The following SLC26A4 variants were observed in gnomAD, a reference collection of about 807,000 sequenced individuals.
The protein encoded by SLC26A4 is pendrin.
Under a neutral mutation model 90.4 loss-of-function variants are expected in SLC26A4, and 93 were observed. The observed-to-expected ratio is 1.03, with a 90% CI of 0.87 to 1.22. SLC26A4 has a LOEUF of 1.22. Ranked by LOEUF, SLC26A4 falls within the 50% of genes most tolerant of loss-of-function variation. SLC26A4 has a pLI of 0.00. For synonymous variants in SLC26A4, 393 were observed against 354.6 expected, an observed-to-expected ratio of 1.11 and a Z score of -1.22; for missense variants, 1,127 against 946.2, an observed-to-expected ratio of 1.19 and a Z score of -2.51.
At chr7:107,680,164 AATCTTATCTTATTATATAATATAATCTT>A (rs1791174945) in intron 6 of SLC26A4, among the ~76,000 whole-genome samples, 8 of 119,796 alleles carry the variant, frequency 6.7e-5, no homozygotes, top group South Asian at 2.4e-4. Flanking sequence ...TATATAATAT[AATCTTATCTTATTATATAATATAATCTT>A]ATCTTATTAT....
intron 8 of SLC26A4, among the ~76,000 whole-genome samples, chr7:107,686,052 C>T (rs1353791010): frequency 6.7e-6 from 1 of 150,196 alleles, no homozygotes; most frequent in African/African-American, 2.5e-5. Flanking sequence ...AACAGAGTCT[C>T]ACTCTGTCAC....
chr7:107,674,995 T>A lies in SLC26A4; in HGVS notation c.651T>A (p.Asp217Glu). The A allele has an allele frequency of 6.2e-7, 1 of 1,614,042 alleles. No individual in the cohort carries two copies. The highest frequency in any genetic ancestry group is 8.5e-7 in the Non-Finnish European group (1 of 1,179,950). Reference sequence around the variant, plus strand: ...GATTCATAGTGAGGTACTTGGCAGATCCTTTGGTTGGTGGCTTCACAACAG... The same window carrying A: ...GATTCATAGTGAGGTACTTGGCAGAACCTTTGGTTGGTGGCTTCACAACAG... Reference protein sequence around the residue: ...QIGFIVRYLADPLVGGFTTAA... With the variant: ...QIGFIVRYLAEPLVGGFTTAA... The change falls in exon 6 of 21, where the codon GAT becomes GAA. Residue 217 changes from aspartate to glutamate, a missense_variant. Asp to Glu is a conservative substitution (Grantham distance 45, BLOSUM62 2). Coordinates refer to ENST00000644269, the MANE Select transcript of SLC26A4 (RefSeq NM_000441.2).
chr7:107,670,446 A>C (rs1056755887), intron 3 of SLC26A4, among the ~76,000 whole-genome samples: 2 of 151,750 alleles, frequency 1.3e-5, no homozygotes, highest in Non-Finnish European at 2.9e-5. Context: ...CACAGGCTGG[A>C]GTGGGAGTGT....
chr7:107,689,998 T>A (rs999318483), intron 9 of SLC26A4, 126 bp from the exon 10 acceptor site: 14 of 748,328 alleles, frequency 1.9e-5, no homozygotes, highest in Non-Finnish European at 3.2e-5. Context: ...ACGGTAAAAA[T>A]TAAATTGGAC....
At position 107,700,086 on chromosome 7, in the gene SLC26A4, G is replaced by A. The variant is rs747353787; in HGVS notation, c.1618G>A (p.Glu540Lys). The A allele has an allele frequency of 1.8e-5, 27 of 1,525,236 alleles. No individual in the cohort carries two copies. Among genetic ancestry groups the A allele is most frequent in the Non-Finnish European group, 2.2e-5 (24 of 1,099,204 alleles). The allele number at this position is 1,525,236 out of a possible 1,614,324, so 94.5% of individuals were successfully genotyped here. ...YKSTKNYKNI[E>K]EPQGVKILRF... is the part of the protein sequence containing the mutation. The stretch of plus-strand genomic sequence containing the variant: ...AGACAATTTCTTTTAATGCCAGATT[G>A]AAGAACCTCAAGGAGTGAAGATTCT... The change falls in exon 15 of 21, where the codon GAA becomes AAA. Residue 540 changes from glutamate (E) to lysine (K), a missense_variant. Glu to Lys is a moderately conservative substitution (Grantham distance 56, BLOSUM62 1). Transcript: ENST00000644269.
chr7:107,691,728 G>T, intron 10 of SLC26A4: 2 of 848,202 alleles, frequency 2.4e-6, no homozygotes, highest in Non-Finnish European at 2.8e-6. Flanking sequence ...CAGTTTTTTG[G>T]CTGCTTTTCA....
At chr7:107,709,170 G>T (rs1354576219) in intron 18 of SLC26A4, among the ~76,000 whole-genome samples, 2 of 152,228 alleles carry the variant, frequency 1.3e-5, no homozygotes, top group African/African-American at 4.8e-5. Context: ...GTACCAGAAG[G>T]TTATGCCTCC....
Position 107,674,243 on chromosome 7 carries a change from C to A in SLC26A4, c.495C>A (p.Ser165Arg). Residue 165 changes from serine to arginine, a missense_variant, in exon 5 of 21, where the codon AGC becomes AGA. By Grantham distance (110) the Ser-to-Arg change is moderately radical (BLOSUM62 -1). Transcript: ENST00000644269. Reference protein sequence around the residue: ...MAPDEHFLVSSSNGTVLNTTM... With the variant: ...MAPDEHFLVSRSNGTVLNTTM... Reference sequence around the variant, plus strand: ...CCGACGAACACTTTCTCGTATCCAGCAGCAATGGAACTGTATTAAATACTA... The same window carrying A: ...CCGACGAACACTTTCTCGTATCCAGAAGCAATGGAACTGTATTAAATACTA... 1 of 1,613,992 alleles carries A rather than the reference C, an allele frequency of 6.2e-7. No individual in the cohort carries two copies. Among genetic ancestry groups the A allele is most frequent in the Admixed American group, 1.7e-5 (1 of 60,018 alleles).
chr7:107,702,173 A>G lies in SLC26A4; in HGVS notation c.2034+116A>G, dbSNP rs1791913015. On this transcript the variant is annotated intron_variant, in intron 17 of 20. Coordinates refer to ENST00000644269, the MANE Select transcript of SLC26A4 (RefSeq NM_000441.2). ...TGGGCTTTGTAATTTTTCTAGGTGA[A>G]TGCTTTTGTAAAAAAGTGTAATATT... is the stretch of plus-strand genomic sequence containing the variant. 14 of 742,216 alleles carry G rather than the reference A, an allele frequency of 1.9e-5. No homozygotes were observed. The East Asian group carries it at 3.7e-4, about 20-fold the overall frequency. 46.0% of individuals were successfully genotyped at this position (742,216 alleles called of 1,614,324 possible).
At chr7:107,684,810 T>TAAAA (rs1305538051) in intron 8 of SLC26A4, among the ~76,000 whole-genome samples, 64 of 152,344 alleles carry the variant, frequency 4.2e-4, no homozygotes, top group African/African-American at 1.5e-3. Context: ...GATAATTTCA[T>TAAAA]TAGTTAGAAA....
At chr7:107,663,472 C>A (rs774483379) in intron 3 of SLC26A4, 37 bp downstream of exon 3, 2 of 1,612,324 alleles carry the variant, frequency 1.2e-6, no homozygotes, top group Non-Finnish European at 1.7e-6. Flanking sequence ...TGGTCTCCAG[C>A]AGGAGTTTAA....
At chr7:107,691,548 C>CATATATAT (rs35766469) in intron 10 of SLC26A4, among the ~76,000 whole-genome samples, 2 of 144,110 alleles carry the variant, frequency 1.4e-5, no homozygotes, top group African/African-American at 5.2e-5. Flanking sequence ...CACACACAAA[C>CATATATAT]ATATATATAT....
chr7:107,687,867 G>A (rs961507953), intron 8 of SLC26A4, among the ~76,000 whole-genome samples: 1 of 152,192 alleles, frequency 6.6e-6, no homozygotes, highest in African/African-American at 2.4e-5. Context: ...GTCATGCTGA[G>A]TCGCCCAACT....
intron 8 of SLC26A4, among the ~76,000 whole-genome samples, chr7:107,688,023 A>G (rs886997386): frequency 6.6e-6 from 1 of 152,166 alleles, no homozygotes; most frequent in African/African-American, 2.4e-5. Flanking sequence ...AGGGCAGAGA[A>G]CCAGACAGAT....
In SLC26A4 at chr7:107,701,891, A is replaced by G. The variant is rs1235276573; in HGVS notation, c.1868A>G (p.Asp623Gly). ...TTTGAGCCTGATGAGGATATTGAAG[A>G]TCTGGAGGAACTTGATATCCCAACC... ...NAFEPDEDIE[D>G]LEELDIPTKE... Residue 623 changes from aspartate (D) to glycine (G), a missense_variant, in exon 17 of 21, where the codon GAT becomes GGT. Asp to Gly is a moderately conservative substitution (Grantham distance 94, BLOSUM62 -1). Coordinates refer to ENST00000644269, the MANE Select transcript of SLC26A4 (RefSeq NM_000441.2). 1.2e-6 allele frequency: 2 copies of G among 1,613,372 alleles called. No individual in the cohort carries two copies. The highest frequency in any genetic ancestry group is 3.3e-5 in the Admixed American group (2 of 60,024).
At chr7:107,666,460 T>A (rs183318257) in intron 3 of SLC26A4, among the ~76,000 whole-genome samples, 14 of 152,260 alleles carry the variant, frequency 9.2e-5, no homozygotes, top group South Asian at 6.2e-4. Context: ...AGGCTCAAGT[T>A]ATCTGCCTGC....
Position 107,696,048 on chromosome 7 carries a change from C to T in SLC26A4, c.1544+9C>T, listed in dbSNP as rs368970459. 1.1e-3 allele frequency: 1,612 copies of T among 1,454,764 alleles called. 17 individuals carry two copies. The South Asian group carries it at 0.013, about 12-fold the overall frequency. 90.1% of individuals were successfully genotyped at this position (1,454,764 alleles called of 1,614,324 possible). ...GTCCTGAGAGTTCAGTTGTGAGTAA[C>T]GTAAAACCCAGATTTCCTATAAACA... On this transcript the variant is annotated intron_variant, in intron 13 of 20. Transcript: ENST00000644269.
At position 107,707,617 on chromosome 7, in the gene SLC26A4, A is replaced by G. The variant is rs374312284; in HGVS notation, c.2090-2437A>G. On this transcript the variant is annotated intron_variant, in intron 18 of 20. Coordinates refer to ENST00000644269, the MANE Select transcript of SLC26A4 (RefSeq NM_000441.2). ...ACAATTTAAAATAACCAAAATTATG[A>G]CTGGTAGCATTTATACCAAGACCTA... 4.6e-5 allele frequency among the ~76,000 whole-genome samples: 7 copies of G among 152,386 alleles called. No individual in the cohort carries two copies. In the South Asian group the frequency reaches 6.2e-4, roughly 14 times the overall value.
intron 19 of SLC26A4, 113 bp from the exon 20 acceptor site, chr7:107,712,426 T>G (rs1792216112): frequency 1.4e-6 from 1 of 716,050 alleles, no homozygotes; most frequent in South Asian, 1.5e-5. Context: ...TGAAGAGGAT[T>G]CTGAAGTATG....
Sources: allele counts gnomAD v4.1 joint callset (sites outside exome capture counted in the v4.1 genomes callset), GRCh38; gene constraint gnomAD v4.1.1; transcripts MANE v1.5; gene names NCBI Gene and HGNC (gene_info 2026-07-23, HGNC 2026-07-21).